Variants in GRB2 observed in about 807,000 individuals in gnomAD.
GRB2 encodes the protein growth factor receptor bound protein 2, also known as growth factor receptor-bound protein 2.
Under a neutral mutation model 27.4 loss-of-function variants are expected in GRB2, and 2 were observed. The ratio of observed to expected loss-of-function variants is 0.07; its 90% CI spans 0.03 to 0.23. The LOEUF (loss-of-function observed/expected upper bound fraction) is 0.23. Among genes scored for constraint, GRB2 ranks in the 10% least tolerant of loss-of-function variants. GRB2 has a pLI of 1.00. For missense variants in GRB2, 102 were observed against 282.4 expected, an observed-to-expected ratio of 0.36 and a Z score of 4.58; for synonymous variants, 94 against 99.6, an observed-to-expected ratio of 0.94 and a Z score of 0.33.
intron 2 of GRB2, among the ~76,000 whole-genome samples, chr17:75,382,222 C>CA (rs11305301): frequency 2.7e-5 from 4 of 145,964 alleles, no homozygotes; most frequent in African/African-American, 7.6e-5. Context: ...ACTCCGTCTC[C>CA]AAAAAAAAAA....
chr17:75,388,089 C>T (rs1337831648), intron 2 of GRB2, among the ~76,000 whole-genome samples: 1 of 151,814 alleles, frequency 6.6e-6, no homozygotes, highest in African/African-American at 2.4e-5. Flanking sequence ...CAAACTGCTC[C>T]CTTCCTTTTT....
At chr17:75,326,077 C>A in intron 3 of GRB2, 57 bp from the exon 4 acceptor site, 1 of 1,604,456 alleles carries the variant, frequency 6.2e-7, no homozygotes, top group Non-Finnish European at 8.5e-7. Flanking sequence ...AACGGGATAT[C>A]CAGCCTTCAA....
chr17:75,393,216 G>A (rs768281575), intron 2 of GRB2, among the ~76,000 whole-genome samples: 2 of 152,118 alleles, frequency 1.3e-5, no homozygotes, highest in Admixed American at 1.3e-4. Flanking sequence ...TTTAAAAAAT[G>A]CTATTTTTAA....
Position 75,379,423 on chromosome 17 carries a change from G to A in GRB2, c.78+14128C>T, listed in dbSNP as rs527370737. ...CTTAAAAAAAAAAAAAAGAAAGACA[G>A]GGTCACACACTGTCACCCAGGCTGG... On this transcript the variant is annotated intron_variant, in intron 2 of 5. Coordinates refer to ENST00000316804, the MANE Select transcript of GRB2 (RefSeq NM_002086.5). Among the ~76,000 whole-genome samples the A allele has an allele frequency of 7.2e-3, 1,069 of 147,544 alleles. 18 individuals are homozygous for A. Among genetic ancestry groups the A allele is most frequent in the African/African-American group, 0.024 (972 of 40,616 alleles).
intron 2 of GRB2, among the ~76,000 whole-genome samples, chr17:75,359,759 A>G (rs1179980749): frequency 6.6e-6 from 1 of 152,140 alleles, no homozygotes; most frequent in Admixed American, 6.6e-5. Context: ...CTAAAATGGC[A>G]AACTCAAGAC....
intron 2 of GRB2, among the ~76,000 whole-genome samples, chr17:75,367,706 A>C (rs1038328272): frequency 6.6e-6 from 1 of 152,216 alleles, no homozygotes; most frequent in African/African-American, 2.4e-5. Context: ...CTATGGTTTT[A>C]GCATTCAGTA....
At chr17:75,387,855 G>A (rs2078974736) in intron 2 of GRB2, 1 of 151,732 alleles carries the variant, frequency 6.6e-6, no homozygotes, top group African/African-American at 2.4e-5. Context: ...TCTACCATAT[G>A]GTTTAGAGGT....
chr17:75,368,752 T>C (rs2078837274), intron 2 of GRB2, among the ~76,000 whole-genome samples: 1 of 151,958 alleles, frequency 6.6e-6, no homozygotes. Flanking sequence ...TCTCACTGTG[T>C]TGCCCAGGCT....
intron 1 of GRB2, among the ~76,000 whole-genome samples, chr17:75,404,409 AAG>A (rs753878756): frequency 1.2e-4 from 18 of 152,084 alleles, no homozygotes; most frequent in Non-Finnish European, 1.6e-4. Context: ...AAAGCAAGGA[AAG>A]AGAGTCTCTT....
In GRB2 at chr17:75,380,828, T is replaced by C. The variant is rs185449315; in HGVS notation, c.78+12723A>G. 8.6e-4 allele frequency among the ~76,000 whole-genome samples: 131 copies of C among 152,360 alleles called. 1 individual carries two copies. Among genetic ancestry groups the C allele is most frequent in the African/African-American group, 3.1e-3 (129 of 41,596 alleles). ...AGCATCTTACATGCTGAGGGAAGGA[T>C]GTTTAATCATCTCAGAAATCTGGTT... On this transcript the variant is annotated intron_variant, in intron 2 of 5. Transcript: ENST00000316804.
At chr17:75,403,075 CAAA>C (rs59384819) in intron 1 of GRB2, among the ~76,000 whole-genome samples, 2 of 43,182 alleles carry the variant, frequency 4.6e-5, no homozygotes, top group South Asian at 1.4e-3. Flanking sequence ...GAATCTGTCT[CAAA>C]AAAAAAAAAA....
chr17:75,320,262 T>A lies in GRB2; in HGVS notation c.*106A>T, dbSNP rs2078449434. The A allele has an allele frequency of 2.1e-6, 2 of 952,582 alleles. No individual in the cohort carries two copies. The highest frequency in any genetic ancestry group is 3.3e-6 in the Non-Finnish European group (2 of 605,636). 59.0% of individuals were successfully genotyped at this position (952,582 alleles called of 1,614,324 possible). A position where few individuals can be genotyped will look rare whatever the true frequency, so the allele number is the denominator to read the frequency against. ...AGGGTCACAGGGTGACCCGGCCAGGTGTTCTGCACTCCCTCACAGGCTGCT... is the reference window on the plus strand; with the variant it reads ...AGGGTCACAGGGTGACCCGGCCAGGAGTTCTGCACTCCCTCACAGGCTGCT... On this transcript the variant is annotated 3_prime_UTR_variant, in exon 6 of 6. Transcript: ENST00000316804. The surrounding 1 kb of genome is among the most constrained non-coding windows in gnomAD (Gnocchi z 4.3).
At chr17:75,369,533 A>G (rs899602059) in intron 2 of GRB2, among the ~76,000 whole-genome samples, 1 of 151,910 alleles carries the variant, frequency 6.6e-6, no homozygotes, top group Non-Finnish European at 1.5e-5. Flanking sequence ...AGGACTCTGG[A>G]TGGATGGGTA....
chr17:75,395,133 C>T (rs1161785105), intron 1 of GRB2, among the ~76,000 whole-genome samples: 1 of 152,078 alleles, frequency 6.6e-6, no homozygotes, highest in Non-Finnish European at 1.5e-5. Context: ...AATTGGGGCA[C>T]TAATCAAGCA....
At chr17:75,362,294 A>C (rs1317909290) in intron 2 of GRB2, among the ~76,000 whole-genome samples, 2 of 152,196 alleles carry the variant, frequency 1.3e-5, no homozygotes, top group Non-Finnish European at 2.9e-5. Flanking sequence ...CTTCTCATGA[A>C]ATTCTGATAC....
At chr17:75,331,133 T>C (rs1305163772) in intron 3 of GRB2, among the ~76,000 whole-genome samples, 3 of 152,202 alleles carry the variant, frequency 2.0e-5, no homozygotes, top group Non-Finnish European at 2.9e-5. Flanking sequence ...CAACAGCAAC[T>C]ACGTCTGCAA....
At chr17:75,383,248 A>G (rs2078941211) in intron 2 of GRB2, among the ~76,000 whole-genome samples, 2 of 152,188 alleles carry the variant, frequency 1.3e-5, no homozygotes, top group Admixed American at 1.3e-4. Context: ...CTTACAAAAG[A>G]GGCCCCCAGT....
At chr17:75,389,621 C>A (rs546672715) in intron 2 of GRB2, among the ~76,000 whole-genome samples, 6 of 152,196 alleles carry the variant, frequency 3.9e-5, no homozygotes, top group Non-Finnish European at 7.4e-5. Context: ...CCGAGACGGG[C>A]GGATCACCAG....
chr17:75,325,547 A>G (rs1567856131), intron 4 of GRB2, among the ~76,000 whole-genome samples: 1 of 152,182 alleles, frequency 6.6e-6, no homozygotes, highest in Non-Finnish European at 1.5e-5. Context: ...TGAGCAAGGC[A>G]AGCCAAGGCA....
Sources: allele counts gnomAD v4.1 joint callset (sites outside exome capture counted in the v4.1 genomes callset), GRCh38; gene constraint gnomAD v4.1.1; non-coding constraint Gnocchi (gnomAD v3.1); transcripts MANE v1.5; gene names NCBI Gene and HGNC (gene_info 2026-07-23, HGNC 2026-07-21).